Variants in MTFMT observed in about 807,000 individuals in gnomAD.
The protein encoded by MTFMT is mitochondrial methionyl-tRNA formyltransferase.
A neutral mutation model predicts 51.8 loss-of-function variants in MTFMT; 47 were observed. The ratio of observed to expected loss-of-function variants is 0.91; its 90% confidence interval spans 0.72 to 1.16. The LOEUF is 1.16. Ranked by LOEUF, MTFMT falls within the 50% of genes most tolerant of loss-of-function variation. The pLI, the probability that MTFMT is intolerant of heterozygous loss-of-function variation, is 0.00. For synonymous variants in MTFMT, 196 were observed against 176.7 expected, an observed-to-expected ratio of 1.11 and a Z score of -0.87; for missense variants, 512 against 482.3, an observed-to-expected ratio of 1.06 and a Z score of -0.58.
intron 8 of MTFMT, 101 bp from the exon 9 acceptor site, chr15:65,003,357 C>A: frequency 2.3e-6 from 2 of 885,014 alleles, no homozygotes; most frequent in Non-Finnish European, 3.5e-6. Flanking sequence ...ACAAACAAAC[C>A]AACAAATCTT....
intron 6 of MTFMT, among the ~76,000 whole-genome samples, chr15:65,011,689 A>G (rs2140478010): frequency 6.6e-6 from 1 of 151,434 alleles, no homozygotes; most frequent in Admixed American, 6.6e-5. Flanking sequence ...AATGATGGGG[A>G]CTCACTACAT....
chr15:65,026,206 A>AT (rs2086422622), intron 2 of MTFMT: 1 of 156,618 alleles, frequency 6.4e-6, no homozygotes, highest in Non-Finnish European at 1.4e-5. Flanking sequence ...AGGGATCAGC[A>AT]TATGTTGGAT....
chr15:65,026,640 C>T, intron 2 of MTFMT, 191 bp downstream of exon 2: 2 of 585,410 alleles, frequency 3.4e-6, no homozygotes, highest in Non-Finnish European at 6.0e-6. Context: ...TTCTAAAGGC[C>T]CTTCAGTTAC....
intron 4 of MTFMT, among the ~76,000 whole-genome samples, chr15:65,021,211 T>A (rs1043019601): frequency 1.3e-5 from 2 of 152,218 alleles, no homozygotes; most frequent in South Asian, 4.1e-4. Flanking sequence ...ATGCAAGGTA[T>A]ACATACCAGA....
intron 6 of MTFMT, among the ~76,000 whole-genome samples, chr15:65,012,964 C>T (rs990611050): frequency 3.9e-5 from 6 of 152,094 alleles, no homozygotes; most frequent in African/African-American, 1.4e-4. Flanking sequence ...CTTAACAATA[C>T]TAAGTTTATC....
Position 65,021,592 on chromosome 15 carries a change from T to C in MTFMT, c.567A>G (p.Lys189=), listed in dbSNP as rs1420291699. The C allele has an allele frequency of 6.3e-7, 1 of 1,589,916 alleles. No individual in the cohort carries two copies. The highest frequency in any genetic ancestry group is 2.3e-5 in the East Asian group (1 of 44,280). The change falls in exon 4 of 9, where the codon AAA becomes AAG. Residue 189 remains lysine (K), a synonymous_variant. Transcript: ENST00000220058. The part of the protein sequence containing the change: ...PKRFDVGPIL[K]QETVPVPPKS... ...TGGGTGGCACAGGAACAGTTTCTTG[T>C]TTGAGAATTGGGCCTACATCAAACC... is the stretch of plus-strand genomic sequence containing the variant.
At position 65,026,857 on chromosome 15, in the gene MTFMT, A is replaced by G. The variant is rs1195032684; in HGVS notation, c.393T>C (p.Asn131=). ...GVVASFGRLL[N]EALILKFPYG... ...AGGGAAATTTAAGAATAAGAGCCTCATTCAAAAGTCGGCCAAACGAAGCCA... is the reference window on the plus strand; with the variant it reads ...AGGGAAATTTAAGAATAAGAGCCTCGTTCAAAAGTCGGCCAAACGAAGCCA... The change falls in exon 2 of 9, where the codon AAT becomes AAC. Residue 131 remains asparagine (N), a synonymous_variant. Transcript: ENST00000220058. 1.9e-6 allele frequency: 3 copies of G among 1,613,876 alleles called. No individual in the cohort carries two copies. In the East Asian group the frequency reaches 6.7e-5, roughly 36 times the overall value.
chr15:65,020,276 CAA>C lies in MTFMT; in HGVS notation c.646-6_646-5del, dbSNP rs372515409. The C allele has an allele frequency of 4.7e-3, 6,046 of 1,292,432 alleles. No homozygotes were observed. Among genetic ancestry groups the C allele is most frequent in the South Asian group, 0.018 (1,333 of 73,778 alleles). 80.1% of individuals were successfully genotyped at this position (1,292,432 alleles called of 1,614,324 possible). A position where few individuals can be genotyped will look rare whatever the true frequency, so the allele number is the denominator to read the frequency against. On this transcript the variant is annotated splice_polypyrimidine_tract_variant and splice_region_variant and intron_variant, in intron 4 of 8. Coordinates refer to ENST00000220058, the MANE Select transcript of MTFMT (RefSeq NM_139242.4). ...AATTTTTCAAAACTGAAATGAGCTA[CAA>C]AAAAAAAAAAAAGAGTGTGATATAT...
At chr15:65,020,374 T>A (rs1024006744) in intron 4 of MTFMT, 102 bp from the exon 5 acceptor site, 2 of 982,610 alleles carry the variant, frequency 2.0e-6, no homozygotes, top group African/African-American at 3.3e-5. Flanking sequence ...TATAACTTTT[T>A]TTCTTTTTCT....
intron 6 of MTFMT, among the ~76,000 whole-genome samples, chr15:65,015,572 C>T (rs1008976591): frequency 3.3e-5 from 5 of 152,172 alleles, no homozygotes; most frequent in Non-Finnish European, 7.3e-5. Flanking sequence ...CACAGTGGCT[C>T]GTGCCTGTAA....
chr15:65,003,856 A>AAAAAAAAAAAAAAG (rs2086199173), intron 8 of MTFMT, among the ~76,000 whole-genome samples: 1 of 149,550 alleles, frequency 6.7e-6, no homozygotes, highest in Non-Finnish European at 1.5e-5. Flanking sequence ...AAAAAAAAAA[A>AAAAAAAAAAAAAAG]AAAAAAAAAA....
At chr15:65,006,281 T>C in intron 6 of MTFMT, 90 bp from the exon 7 acceptor site, 4 of 994,764 alleles carry the variant, frequency 4.0e-6, no homozygotes, top group Non-Finnish European at 6.1e-6. Flanking sequence ...TCTGGACTTT[T>C]CTTTCAATTA....
Position 65,026,827 on chromosome 15 carries a change from T to G in MTFMT, c.419+4A>C. Reference sequence around the variant, plus strand: ...TACTGTATTTCCTTACAAATAAAACTTACTAGGGAAATTTAAGAATAAGAG... The same window carrying G: ...TACTGTATTTCCTTACAAATAAAACGTACTAGGGAAATTTAAGAATAAGAG... On this transcript the variant is annotated splice_donor_region_variant and intron_variant, in intron 2 of 8. Coordinates refer to ENST00000220058, the MANE Select transcript of MTFMT (RefSeq NM_139242.4). 1 of 1,612,370 alleles carries G rather than the reference T, an allele frequency of 6.2e-7. No individual in the cohort carries two copies. The highest frequency in any genetic ancestry group is 1.7e-4 in the Middle Eastern group (1 of 6,054).
At chr15:65,015,605 G>A (rs2086313649) in intron 6 of MTFMT, among the ~76,000 whole-genome samples, 1 of 152,178 alleles carries the variant, frequency 6.6e-6, no homozygotes. Context: ...GGGAGGCTGA[G>A]AAGAGCGGAT....
At chr15:65,013,027 A>C (rs533412076) in intron 6 of MTFMT, among the ~76,000 whole-genome samples, 2 of 152,152 alleles carry the variant, frequency 1.3e-5, no homozygotes, top group South Asian at 4.1e-4. Flanking sequence ...TTTACTGTTT[A>C]TTAGCTCTAA....
At chr15:65,008,094 T>C (rs533806282) in intron 6 of MTFMT, among the ~76,000 whole-genome samples, 12 of 152,332 alleles carry the variant, frequency 7.9e-5, no homozygotes, top group Non-Finnish European at 1.8e-4. Flanking sequence ...AAATCCTTGA[T>C]CCATCTATAT....
intron 6 of MTFMT, among the ~76,000 whole-genome samples, chr15:65,009,845 G>A (rs2086249032): frequency 6.6e-6 from 1 of 151,894 alleles, no homozygotes; most frequent in African/African-American, 2.4e-5. Context: ...GTAGAGACAG[G>A]GTTTCACCAT....
chr15:65,003,603 T>C (rs750127917), intron 8 of MTFMT, among the ~76,000 whole-genome samples: 5 of 152,002 alleles, frequency 3.3e-5, no homozygotes, highest in Admixed American at 6.5e-5. Flanking sequence ...ACGCCTGTAA[T>C]CCCAGCACTT....
At chr15:65,020,381 T>C in intron 4 of MTFMT, 109 bp from the exon 5 acceptor site, 5 of 971,478 alleles carry the variant, frequency 5.1e-6, no homozygotes, top group Non-Finnish European at 7.6e-6. Context: ...TTTTTTCTTT[T>C]TCTTTTTTCA....
Sources: gnomAD v4.1 joint callset for allele counts (sites outside exome capture counted in the v4.1 genomes callset) on GRCh38, gnomAD v4.1.1 for gene constraint, MANE v1.5 for transcripts, NCBI Gene and HGNC (gene_info 2026-07-23, HGNC 2026-07-21) for gene names.